The following TSPEAR variants were observed in gnomAD, a reference collection of about 807,000 sequenced individuals.
The protein encoded by TSPEAR is thrombospondin-type laminin G domain and EAR repeat-containing protein.
Under a neutral mutation model 71.6 loss-of-function variants are expected in TSPEAR, and 69 were observed. That is an observed-to-expected ratio of 0.96 (90% CI 0.79 to 1.18). TSPEAR has a LOEUF of 1.18. Among genes scored for constraint, TSPEAR ranks in the 50% most tolerant of loss-of-function variants. TSPEAR has a pLI of 0.00. For missense variants in TSPEAR, 971 were observed against 894.9 expected, an observed-to-expected ratio of 1.09 and a Z score of -1.09; for synonymous variants, 402 against 387.2, an observed-to-expected ratio of 1.04 and a Z score of -0.45.
intron 2 of TSPEAR, among the ~76,000 whole-genome samples, chr21:44,553,306 T>C (rs2053475975): frequency 6.6e-6 from 1 of 152,176 alleles, no homozygotes; most frequent in African/African-American, 2.4e-5. Context: ...GGTCTGTACA[T>C]AGGATCTACA....
intron 2 of TSPEAR, chr21:44,540,100 C>T: frequency 6.2e-7 from 1 of 1,613,730 alleles, no homozygotes; most frequent in Non-Finnish European, 8.5e-7. Context: ...CATCCACCTG[C>T]CAGGAGTCGG....
At chr21:44,635,036 CAG>C (rs1212871287) in intron 1 of TSPEAR, among the ~76,000 whole-genome samples, 1 of 152,124 alleles carries the variant, frequency 6.6e-6, no homozygotes, top group African/African-American at 2.4e-5. Flanking sequence ...GGTGTTCAAA[CAG>C]AAACATGTAC....
At chr21:44,705,165 C>G (rs1276744232) in intron 1 of TSPEAR, among the ~76,000 whole-genome samples, 1 of 152,248 alleles carries the variant, frequency 6.6e-6, no homozygotes, top group Non-Finnish European at 1.5e-5. Flanking sequence ...ACTGCAATCT[C>G]TAAACATAAA....
intron 1 of TSPEAR, among the ~76,000 whole-genome samples, chr21:44,568,461 G>C (rs1555922086): frequency 6.6e-6 from 1 of 152,206 alleles, no homozygotes; most frequent in African/African-American, 2.4e-5. Context: ...CTGCCCTTGG[G>C]TGCTGTGGGA....
At position 44,608,088 on chromosome 21, in the gene TSPEAR, T is replaced by A. The variant is rs983676568; in HGVS notation, c.83-40083A>T. Among the ~76,000 whole-genome samples, 10 of 152,246 alleles carry A rather than the reference T, an allele frequency of 6.6e-5. No homozygotes were observed. The East Asian group carries it at 1.7e-3, about 26-fold the overall frequency. Reference sequence around the variant, plus strand: ...GGGGATTGATCATGAAAAGTACACCTGGGAACTCGGAGATGATGGAAAATC... The same window carrying A: ...GGGGATTGATCATGAAAAGTACACCAGGGAACTCGGAGATGATGGAAAATC... On this transcript the variant is annotated intron_variant, in intron 1 of 11. Coordinates refer to ENST00000323084, the MANE Select transcript of TSPEAR (RefSeq NM_144991.3).
intron 2 of TSPEAR, chr21:44,538,964 CA>C (rs1385394365): frequency 1.0e-4 from 50 of 481,722 alleles, no homozygotes; most frequent in African/African-American, 9.4e-4. Context: ...CCCCCAGGAA[CA>C]CAACAGAAAA....
intron 1 of TSPEAR, among the ~76,000 whole-genome samples, chr21:44,613,684 C>T (rs1467612918): frequency 6.6e-6 from 1 of 152,060 alleles, no homozygotes; most frequent in African/African-American, 2.4e-5. Context: ...ACAAAAGCAT[C>T]ATGGACTGGG....
chr21:44,702,227 G>A, intron 1 of TSPEAR: 1 of 1,598,122 alleles, frequency 6.3e-7, no homozygotes, highest in Admixed American at 1.7e-5. Flanking sequence ...CCCTGAGCCA[G>A]TGCTTCCACC....
At chr21:44,579,801 G>C (rs1555924593) in intron 1 of TSPEAR, 2 of 1,609,514 alleles carry the variant, frequency 1.2e-6, no homozygotes, top group Non-Finnish European at 1.7e-6. Context: ...CGGCAGAGGA[G>C]GGACACGCAG....
chr21:44,567,825 G>A lies in TSPEAR; in HGVS notation c.263C>T (p.Ser88Phe). The A allele has an allele frequency of 6.2e-7, 1 of 1,601,406 alleles. No homozygotes were observed. Among genetic ancestry groups the A allele is most frequent in the Non-Finnish European group, 8.5e-7 (1 of 1,172,786 alleles). Reference protein sequence around the residue: ...SQCDLFPEEFSIVVTLRVPNL... With the variant: ...SQCDLFPEEFFIVVTLRVPNL... ...GGGAACTCTCAAAGTTACGACGATG[G>A]AAAATTCTTCAGGGAAGAGGTCACA... Residue 88 changes from serine to phenylalanine, a missense_variant, in exon 2 of 12, where the codon TCC becomes TTC. By Grantham distance (155) the Ser-to-Phe change is radical (BLOSUM62 -2). Coordinates refer to ENST00000323084, the MANE Select transcript of TSPEAR (RefSeq NM_144991.3).
rs1253575014 is a variant in TSPEAR at position 44,623,925 on chromosome 21, C to T, written c.83-55920G>A. 1.3e-5 allele frequency among the ~76,000 whole-genome samples: 2 copies of T among 152,106 alleles called. No homozygotes were observed. The highest frequency in any genetic ancestry group is 6.5e-5 in the Admixed American group (1 of 15,268). On this transcript the variant is annotated intron_variant, in intron 1 of 11. Coordinates refer to ENST00000323084, the MANE Select transcript of TSPEAR (RefSeq NM_144991.3). The surrounding 1 kb of genome is among the most constrained non-coding windows in gnomAD (Gnocchi z 4.5). The stretch of plus-strand genomic sequence containing the variant: ...TCACCTTGCTAAACATTCTTAAATG[C>T]TTTTTGCATCTATGGGTTAATGTTT...
intron 2 of TSPEAR, chr21:44,550,401 G>A (rs368567708): frequency 3.7e-5 from 22 of 589,928 alleles, no homozygotes; most frequent in Middle Eastern, 4.6e-4. Context: ...AGAGGGTGAC[G>A]CTCCTGGGGG....
intron 2 of TSPEAR, chr21:44,551,120 G>C: frequency 3.2e-6 from 5 of 1,562,668 alleles, no homozygotes; most frequent in Non-Finnish European, 4.4e-6. Context: ...CCCCACAGCA[G>C]ACGGGCACAC....
chr21:44,665,438 A>G (rs1985701829), intron 1 of TSPEAR, among the ~76,000 whole-genome samples: 1 of 152,258 alleles, frequency 6.6e-6, no homozygotes, highest in African/African-American at 2.4e-5. Flanking sequence ...AGACAGGGGA[A>G]ATGCAGAAGA....
At chr21:44,701,424 G>A (rs562850071) in intron 1 of TSPEAR, among the ~76,000 whole-genome samples, 1 of 152,280 alleles carries the variant, frequency 6.6e-6, no homozygotes, top group Non-Finnish European at 1.5e-5. Flanking sequence ...GATGGTTTGG[G>A]GATGATTCAA....
chr21:44,654,561 C>G lies in TSPEAR; in HGVS notation c.82+56872G>C, dbSNP rs587693161. 4 of 1,607,544 alleles carry G rather than the reference C, an allele frequency of 2.5e-6. No homozygotes were observed. In the African/African-American group the frequency reaches 5.4e-5, roughly 22 times the overall value. On this transcript the variant is annotated intron_variant, in intron 1 of 11. Coordinates refer to ENST00000323084, the MANE Select transcript of TSPEAR (RefSeq NM_144991.3). ...GGTAGCAGGTGCTGGGGACACAGCA[C>G]GGGGAGCCAGGGCAGGCCATTGGGC... is the stretch of plus-strand genomic sequence containing the variant.
At chr21:44,702,176 C>G (rs1987680823) in intron 1 of TSPEAR, 6 of 1,472,302 alleles carry the variant, frequency 4.1e-6, no homozygotes, top group Non-Finnish European at 4.6e-6. Context: ...AGACCACCAT[C>G]CACCCCACAG....
chr21:44,576,246 C>A (rs1555923965), intron 1 of TSPEAR, among the ~76,000 whole-genome samples: 3 of 152,134 alleles, frequency 2.0e-5, no homozygotes, highest in African/African-American at 4.8e-5. Flanking sequence ...GAGTCACAGT[C>A]CCGGAGTGGA....
rs1449674807 is a variant in TSPEAR, at chr21:44,510,564, T to C, written c.1567-1178A>G. Reference sequence around the variant, plus strand: ...CTCAGGACGGGGCTGCCCAGGCATCTTCTGGTCCCCCTGACTGTCCGGCGC... The same window carrying C: ...CTCAGGACGGGGCTGCCCAGGCATCCTCTGGTCCCCCTGACTGTCCGGCGC... On this transcript the variant is annotated intron_variant, in intron 9 of 11. Transcript: ENST00000323084. 2.0e-5 allele frequency: 3 copies of C among 152,234 alleles called. No individual in the cohort carries two copies. In the East Asian group the frequency reaches 5.8e-4, roughly 29 times the overall value. 9.4% of individuals were successfully genotyped at this position (152,234 alleles called of 1,614,324 possible). A position where few individuals can be genotyped will look rare whatever the true frequency, so the allele number is the denominator to read the frequency against.
Sources: gnomAD v4.1 joint callset for allele counts (sites outside exome capture counted in the v4.1 genomes callset) on GRCh38, gnomAD v4.1.1 for gene constraint, Gnocchi (gnomAD v3.1) non-coding constraint, MANE v1.5 for transcripts, NCBI Gene and HGNC (gene_info 2026-07-23, HGNC 2026-07-21) for gene names.